The following MTR variants were observed in gnomAD, a reference collection of about 807,000 sequenced individuals.
The protein encoded by MTR is methionine synthase.
A neutral mutation model predicts 154.8 loss-of-function variants in MTR; 84 were observed. The observed-to-expected ratio is 0.54, with a 90% CI of 0.45 to 0.65. MTR has a LOEUF of 0.65. MTR is among the 30% of genes least tolerant of loss of function. The probability of loss-of-function intolerance (pLI) is 0.00; values close to 1 mark genes in which losing one functional copy is unlikely to be tolerated. For synonymous variants in MTR, 554 were observed against 553.9 expected (o/e 1.00, Z 0.00); for missense variants, 1,275 against 1,570.2 (o/e 0.81, Z 3.18).
intron 3 of MTR, among the ~76,000 whole-genome samples, chr1:236,806,992 A>G (rs1661021405): frequency 6.6e-6 from 1 of 152,138 alleles, no homozygotes; most frequent in Non-Finnish European, 1.5e-5. Context: ...TCTGTTGATC[A>G]TTTGGGTTGC....
chr1:236,841,264 A>C (rs1663218304), intron 15 of MTR, among the ~76,000 whole-genome samples: 1 of 152,228 alleles, frequency 6.6e-6, no homozygotes, highest in Non-Finnish European at 1.5e-5. Flanking sequence ...CATTTTAGCT[A>C]TAATCGTTTT....
chr1:236,833,819 A>G (rs1017430844), intron 13 of MTR, among the ~76,000 whole-genome samples: 2 of 152,224 alleles, frequency 1.3e-5, no homozygotes, highest in African/African-American at 4.8e-5. Flanking sequence ...CTTAAGAAAT[A>G]GGTCAGATAT....
chr1:236,863,398 T>C, intron 21 of MTR, 56 bp from the exon 22 acceptor site: 3 of 1,389,558 alleles, frequency 2.2e-6, no homozygotes, highest in Admixed American at 1.7e-5. Context: ...TCTGGAGAAC[T>C]AGGTGTTCCA....
intron 25 of MTR, among the ~76,000 whole-genome samples, chr1:236,883,015 T>C (rs1435500761): frequency 6.6e-6 from 1 of 152,216 alleles, no homozygotes; most frequent in African/African-American, 2.4e-5. Context: ...AGCTATCTCA[T>C]ATATTTGGAA....
chr1:236,860,507 T>G (rs1204003595), intron 19 of MTR, among the ~76,000 whole-genome samples: 2 of 152,068 alleles, frequency 1.3e-5, no homozygotes, highest in African/African-American at 4.8e-5. Flanking sequence ...CAAGGATCAT[T>G]GAACTGGGGA....
chr1:236,878,543 C>G (rs925727263), intron 24 of MTR, among the ~76,000 whole-genome samples: 7 of 151,962 alleles, frequency 4.6e-5, no homozygotes, highest in Non-Finnish European at 5.9e-5. Flanking sequence ...TTTGGTTTCC[C>G]CGGGCCACAT....
At chr1:236,798,023 A>G (rs908298109) in intron 1 of MTR, among the ~76,000 whole-genome samples, 6 of 152,160 alleles carry the variant, frequency 3.9e-5, no homozygotes, top group African/African-American at 1.4e-4. Context: ...TGTGCAAACT[A>G]GAAATTAGAG....
chr1:236,854,361 G>A (rs1250116928), intron 18 of MTR, among the ~76,000 whole-genome samples: 1 of 152,198 alleles, frequency 6.6e-6, no homozygotes, highest in Non-Finnish European at 1.5e-5. Flanking sequence ...TGTTTCATTT[G>A]GTTGTGGCAG....
At position 236,894,449 on chromosome 1, in the gene MTR, G is replaced by A. The variant is rs777963512; in HGVS notation, c.3297G>A (p.Leu1099=). Residue 1099 remains leucine (L), a synonymous_variant, in exon 30 of 33, where the codon CTG becomes CTA. Transcript: ENST00000366577. ...LHSGIRDYLG[L]FAVACFGVEE... Reference sequence around the variant, plus strand: ...CTGGCATCCGTGACTACCTGGGCCTGTTTGCCGTTGCCTGCTTTGGGGTAG... The same window carrying A: ...CTGGCATCCGTGACTACCTGGGCCTATTTGCCGTTGCCTGCTTTGGGGTAG... 2 of 1,614,224 alleles carry A rather than the reference G, an allele frequency of 1.2e-6. No homozygotes were observed. Among genetic ancestry groups the A allele is most frequent in the Non-Finnish European group, 1.7e-6 (2 of 1,180,044 alleles).
chr1:236,881,212 C>T (rs1194381929), intron 25 of MTR, among the ~76,000 whole-genome samples: 3 of 152,046 alleles, frequency 2.0e-5, no homozygotes, highest in Non-Finnish European at 4.4e-5. Context: ...AAAACAAACT[C>T]AAAAGTGTCC....
In MTR at chr1:236,808,736, G is replaced by A. The variant is rs761014259; in HGVS notation, c.372G>A (p.Val124=). The part of the protein sequence containing the change: ...AYRMNMCSAG[V]ARKAAEEVTL... ...GGATGAACATGTGCTCTGCAGGAGT[G>A]GCCAGAAAAGCTGCCGAGGAGGTAA... Residue 124 remains valine (V), a synonymous_variant, in exon 4 of 33, where the codon GTG becomes GTA. Coordinates refer to ENST00000366577, the MANE Select transcript of MTR (RefSeq NM_000254.3). 6.2e-7 allele frequency: 1 copy of A among 1,614,178 alleles called. No homozygotes were observed. The highest frequency in any genetic ancestry group is 8.5e-7 in the Non-Finnish European group (1 of 1,180,014).
intron 1 of MTR, chr1:236,799,923 T>C (rs908400235): frequency 8.3e-5 from 31 of 373,886 alleles, no homozygotes; most frequent in Non-Finnish European, 1.1e-4. Context: ...AAGCAGATGT[T>C]TTTAAACAGC....
At chr1:236,819,695 A>G in intron 8 of MTR, 2 of 691,614 alleles carry the variant, frequency 2.9e-6, no homozygotes, top group East Asian at 2.9e-5. Flanking sequence ...AGTTCCTTAC[A>G]GCAGGAACCC....
intron 24 of MTR, among the ~76,000 whole-genome samples, chr1:236,875,840 GAGAA>G (rs1363494914): frequency 2.4e-5 from 2 of 83,260 alleles, no homozygotes; most frequent in Non-Finnish European, 7.4e-5. Context: ...TATATATAGA[GAGAA>G]AGAGATTTAT....
In MTR at chr1:236,814,227, T is replaced by C. The variant is rs924977447; in HGVS notation, c.610-1377T>C. Among the ~76,000 whole-genome samples the C allele has an allele frequency of 2.0e-5, 3 of 152,210 alleles. No homozygotes were observed. In the South Asian group the frequency reaches 6.2e-4, roughly 32 times the overall value. On this transcript the variant is annotated intron_variant, in intron 6 of 32. Transcript: ENST00000366577. ...TTTATATGTCTTTTTAGAAATTGTT[T>C]TGTGAATCTGCAGTAAACAAATTAT... is the stretch of plus-strand genomic sequence containing the variant.
chr1:236,891,286 A>G lies in MTR; in HGVS notation c.3161A>G (p.Gln1054Arg). ...CTGTACGCAGAGGCTGCTGTGCCCC[A>G]GGCTGCAGAGCCCATAGCCACCTTC... ...IHLYAEAAVP[Q>R]AAEPIATFYG... The change falls in exon 29 of 33, where the codon CAG (glutamine) becomes CGG (arginine). Residue 1054 changes from glutamine to arginine, a missense_variant. Transcript: ENST00000366577. 1.2e-6 allele frequency: 2 copies of G among 1,614,134 alleles called. No homozygotes were observed. Among genetic ancestry groups the G allele is most frequent in the South Asian group, 1.1e-5 (1 of 91,078 alleles).
Position 236,850,324 on chromosome 1 carries a change from T to C in MTR, c.1516-20T>C. The C allele has an allele frequency of 5.0e-6, 8 of 1,593,134 alleles. No homozygotes were observed. The highest frequency in any genetic ancestry group is 6.9e-6 in the Non-Finnish European group (8 of 1,166,526). ...GATAATTTTTCTATTTCAAACTACA[T>C]CTTTTGCTCTTTTCCCTAGGCAACA... is the stretch of plus-strand genomic sequence containing the variant. On this transcript the variant is annotated intron_variant, in intron 15 of 32. Transcript: ENST00000366577.
Position 236,853,078 on chromosome 1 carries a change from GT to G in MTR, c.1945del (p.Tyr649MetfsTer32). ...KDPEATEKLLRYAQTQGTGGK... is the reference protein window; with the variant it reads ...KDPEATEKLLXYAQTQGTGGK... Reference sequence around the variant, plus strand: ...CCTGAGGCCACTGAGAAGCTCTTACGTTATGCCCAGGTAGAGAGACAAGTGT... The same window carrying G: ...CCTGAGGCCACTGAGAAGCTCTTACGTATGCCCAGGTAGAGAGACAAGTGT... On this transcript the variant is annotated frameshift_variant, in exon 18 of 33. Coordinates refer to ENST00000366577, the MANE Select transcript of MTR (RefSeq NM_000254.3). LOFTEE classifies it high-confidence loss of function. The G allele has an allele frequency of 6.2e-7, 1 of 1,613,956 alleles. No homozygotes were observed. The highest frequency in any genetic ancestry group is 8.5e-7 in the Non-Finnish European group (1 of 1,179,910).
At chr1:236,876,572 T>C (rs1009769615) in intron 24 of MTR, among the ~76,000 whole-genome samples, 1 of 152,214 alleles carries the variant, frequency 6.6e-6, no homozygotes, top group Admixed American at 6.5e-5. Flanking sequence ...TTATGTGTTA[T>C]GTAAATATGA....
Sources: gnomAD v4.1 joint callset for allele counts (sites outside exome capture counted in the v4.1 genomes callset) on GRCh38, gnomAD v4.1.1 for gene constraint, MANE v1.5 for transcripts, NCBI Gene and HGNC (gene_info 2026-07-23, HGNC 2026-07-21) for gene names.